The following CUX1 variants were observed in gnomAD, a reference collection of about 807,000 sequenced individuals.
CUX1 encodes cut like homeobox 1, also known as protein CASP.
A neutral mutation model predicts 158.8 loss-of-function variants in CUX1; 31 were observed. The observed-to-expected ratio is 0.20, with a 90% CI of 0.15 to 0.26. The LOEUF is 0.26. Among genes scored for constraint, CUX1 ranks in the 10% least tolerant of loss-of-function variants. The pLI, the probability that CUX1 is intolerant of heterozygous loss-of-function variation, is 1.00. For missense variants in CUX1, 1,589 were observed against 2,014.6 expected (o/e 0.79, Z 4.04); for synonymous variants, 879 against 862.1 (o/e 1.02, Z -0.34).
At chr7:102,067,998 G>A (rs1825736213) in intron 3 of CUX1, among the ~76,000 whole-genome samples, 1 of 151,800 alleles carries the variant, frequency 6.6e-6, no homozygotes, top group Non-Finnish European at 1.5e-5. Context: ...TCCAGCCTGG[G>A]CAACAGAGCG....
chr7:101,915,968 C>T, intron 1 of CUX1, 147 bp from the exon 2 acceptor site: 1 of 637,316 alleles, frequency 1.6e-6, no homozygotes, highest in Non-Finnish European at 2.9e-6. Context: ...TTCCCGCCAC[C>T]CTCCAGCCCC....
intron 18 of CUX1, 101 bp downstream of exon 18, chr7:102,202,305 A>C (rs559898576): frequency 6.8e-7 from 1 of 1,465,966 alleles, no homozygotes; most frequent in Admixed American, 2.3e-5. Context: ...ATTTCAATTC[A>C]CCCAAGAGCA....
At chr7:101,830,759 C>G (rs1199385175) in intron 1 of CUX1, among the ~76,000 whole-genome samples, 1 of 152,064 alleles carries the variant, frequency 6.6e-6, no homozygotes, top group Non-Finnish European at 1.5e-5. Flanking sequence ...ACGCCTGGCC[C>G]AGATAACTCT....
intron 8 of CUX1, among the ~76,000 whole-genome samples, chr7:102,127,260 G>A (rs932809825): frequency 1.3e-5 from 2 of 152,148 alleles, no homozygotes; most frequent in African/African-American, 4.8e-5. Context: ...AGCCTGCAGG[G>A]CAGTTGCACT....
At chr7:102,129,208 T>C (rs1554496364) in intron 8 of CUX1, among the ~76,000 whole-genome samples, 1 of 152,238 alleles carries the variant, frequency 6.6e-6, no homozygotes, top group African/African-American at 2.4e-5. Flanking sequence ...CTCATCCATA[T>C]TAGCGTGCCA....
chr7:102,114,430 C>T (rs1026865933), intron 7 of CUX1, among the ~76,000 whole-genome samples: 6 of 152,202 alleles, frequency 3.9e-5, no homozygotes, highest in African/African-American at 1.4e-4. Flanking sequence ...CTATGCGCCA[C>T]CATGCTTGGC....
intron 14 of CUX1, among the ~76,000 whole-genome samples, chr7:102,269,263 C>T (rs370084668): frequency 7.9e-5 from 12 of 152,148 alleles, no homozygotes; most frequent in African/African-American, 2.9e-4. Context: ...GCAAGAGCCA[C>T]TGCACCTGGC....
At chr7:102,012,773 A>G (rs551214525) in intron 2 of CUX1, among the ~76,000 whole-genome samples, 33 of 152,242 alleles carry the variant, frequency 2.2e-4, no homozygotes, top group African/African-American at 5.8e-4. Flanking sequence ...GAATGAATCA[A>G]TGAATGAATG....
At chr7:101,945,414 C>T (rs920396657) in intron 2 of CUX1, among the ~76,000 whole-genome samples, 3 of 152,194 alleles carry the variant, frequency 2.0e-5, no homozygotes, top group Non-Finnish European at 2.9e-5. Flanking sequence ...TACATTTCCT[C>T]GCTGTTGCAT....
downstream of CUX1, among the ~76,000 whole-genome samples, chr7:102,262,964 G>A (rs1790518178): frequency 6.6e-6 from 1 of 151,580 alleles, no homozygotes; most frequent in African/African-American, 2.4e-5. Context: ...CTTCGAAGGT[G>A]ATCAATGTTA....
chr7:101,948,600 A>G (rs142607367), intron 2 of CUX1, among the ~76,000 whole-genome samples: 1 of 152,224 alleles, frequency 6.6e-6, no homozygotes, highest in African/African-American at 2.4e-5. Context: ...GGGCCTCTGT[A>G]TCTGGATCCC....
At chr7:101,872,027 A>G (rs916113417) in intron 1 of CUX1, among the ~76,000 whole-genome samples, 3 of 152,042 alleles carry the variant, frequency 2.0e-5, no homozygotes, top group African/African-American at 7.2e-5. Flanking sequence ...CCCCAAAAAA[A>G]AAAAAAGAAA....
chr7:101,986,450 CACTT>C (rs903703504), intron 2 of CUX1, among the ~76,000 whole-genome samples: 2 of 152,236 alleles, frequency 1.3e-5, no homozygotes, highest in Non-Finnish European at 2.9e-5. Context: ...TCTCATGACT[CACTT>C]AAGAGAGAGC....
At chr7:102,273,907 G>A (rs1791413125) in intron 15 of CUX1, among the ~76,000 whole-genome samples, 1 of 152,226 alleles carries the variant, frequency 6.6e-6, no homozygotes, top group African/African-American at 2.4e-5. Context: ...GTGGGACTCC[G>A]GGAGAGAAGT....
At chr7:101,897,404 G>A (rs1203962225) in intron 1 of CUX1, among the ~76,000 whole-genome samples, 1 of 152,034 alleles carries the variant, frequency 6.6e-6, no homozygotes, top group African/African-American at 2.4e-5. Context: ...GAAAGGCTGA[G>A]GTGGAAGGAT....
intron 20 of CUX1, among the ~76,000 whole-genome samples, chr7:102,223,884 G>A (rs770041975): frequency 3.9e-5 from 6 of 152,132 alleles, no homozygotes; most frequent in African/African-American, 7.2e-5. Flanking sequence ...CAGGAGAATC[G>A]TTTGAACCCG....
intron 2 of CUX1, among the ~76,000 whole-genome samples, chr7:101,987,718 A>G (rs1814516054): frequency 2.0e-5 from 3 of 152,218 alleles, no homozygotes; most frequent in Admixed American, 2.0e-4. Context: ...GCCCTTGGTC[A>G]TCCGAGGGAG....
At chr7:102,112,540 C>T (rs2131087439) in intron 7 of CUX1, among the ~76,000 whole-genome samples, 1 of 151,032 alleles carries the variant, frequency 6.6e-6, no homozygotes, top group South Asian at 2.1e-4. Flanking sequence ...CGCGCCCAGC[C>T]CTCTCTCTAT....
intron 9 of CUX1, among the ~76,000 whole-genome samples, chr7:102,167,465 C>T (rs1554509165): frequency 3.9e-5 from 6 of 152,274 alleles, no homozygotes; most frequent in South Asian, 2.1e-4. Flanking sequence ...ACTTCCCCAG[C>T]GCTGGCCGTT....
Sources: gnomAD v4.1 joint callset for allele counts (sites outside exome capture counted in the v4.1 genomes callset) on GRCh38, gnomAD v4.1.1 for gene constraint, MANE v1.5 for transcripts, NCBI Gene and HGNC (gene_info 2026-07-23, HGNC 2026-07-21) for gene names.